Variants in SLC36A1 observed in about 807,000 individuals in gnomAD.
The protein encoded by SLC36A1 is solute carrier family 36 member 1.
A neutral mutation model predicts 47.5 loss-of-function variants in SLC36A1; 30 were observed. The ratio of observed to expected loss-of-function variants is 0.63; its 90% CI spans 0.47 to 0.86. SLC36A1 has a LOEUF of 0.86. SLC36A1 is among the 40% of genes least tolerant of loss of function. SLC36A1 has a pLI of 0.00. For missense variants in SLC36A1, 517 were observed against 606.0 expected (o/e 0.85, Z 1.54); for synonymous variants, 255 against 249.7 (o/e 1.02, Z -0.20).
chr5:151,400,950 A>G, the SLC36A1 span, among the ~76,000 whole-genome samples: 1 of 152,096 alleles, frequency 6.6e-6, no homozygotes, highest in Non-Finnish European at 1.5e-5. Context: ...TCGTTTGTGA[A>G]TATTTTCTCC....
the SLC36A1 span, among the ~76,000 whole-genome samples, chr5:151,358,248 G>A: frequency 6.6e-6 from 1 of 151,728 alleles, no homozygotes. Context: ...CCTCAGGCCA[G>A]ATTTAGTTTA....
Position 151,467,255 on chromosome 5 carries a change from T to G in SLC36A1, c.476T>G (p.Phe159Cys). 6.2e-7 allele frequency: 1 copy of G among 1,612,612 alleles called. No individual in the cohort carries two copies. Among genetic ancestry groups the G allele is most frequent in the Non-Finnish European group, 8.5e-7 (1 of 1,179,524 alleles). Reference sequence around the variant, plus strand: ...CAGCTGGGATTCTGCTGTGTCTATTTTGTGTTTCTGGCTGACAACTTTAAA... The same window carrying G: ...CAGCTGGGATTCTGCTGTGTCTATTGTGTGTTTCTGGCTGACAACTTTAAA... ...VTQLGFCCVY[F>C]VFLADNFKQV... Residue 159 changes from phenylalanine to cysteine, a missense_variant, in exon 6 of 11, where the codon TTT (phenylalanine) becomes TGT (cysteine). Coordinates refer to ENST00000243389, the MANE Select transcript of SLC36A1 (RefSeq NM_078483.4).
the SLC36A1 span, among the ~76,000 whole-genome samples, chr5:151,371,346 A>G: frequency 1.3e-5 from 2 of 152,236 alleles, no homozygotes; most frequent in Non-Finnish European, 2.9e-5. Context: ...ACACAAGCAA[A>G]TGGAAAACAA....
the SLC36A1 span, chr5:151,531,552 G>A: frequency 2.5e-6 from 4 of 1,610,036 alleles, no homozygotes; most frequent in South Asian, 1.1e-5. This position sits in a 1 kb window ranked among gnomAD's most constrained non-coding sequence, Gnocchi z 5.7. Context: ...AACCCTGTAC[G>A]CGATGCTTTG....
At chr5:151,429,413 T>G in the SLC36A1 span, among the ~76,000 whole-genome samples, 1 of 144,746 alleles carries the variant, frequency 6.9e-6, no homozygotes, top group African/African-American at 2.6e-5. Flanking sequence ...GTGTTCTCAT[T>G]GTTCAATTCC....
intron 10 of SLC36A1, among the ~76,000 whole-genome samples, chr5:151,484,364 C>T (rs752747617): frequency 6.6e-6 from 1 of 152,186 alleles, no homozygotes; most frequent in Non-Finnish European, 1.5e-5. Context: ...CTTCCTTTAT[C>T]CATACAAAAC....
intron 1 of SLC36A1, among the ~76,000 whole-genome samples, chr5:151,454,088 T>C (rs946650928): frequency 7.7e-6 from 1 of 129,646 alleles, no homozygotes; most frequent in Non-Finnish European, 1.7e-5. Context: ...CTTAAATTTT[T>C]TTTTTTTTTT....
chr5:151,361,860 GT>G, the SLC36A1 span, among the ~76,000 whole-genome samples: 7 of 151,390 alleles, frequency 4.6e-5, no homozygotes, highest in African/African-American at 9.7e-5. Context: ...TTGGATGACA[GT>G]TTTTTTTTCT....
At chr5:151,466,857 A>T (rs1006927188) in intron 5 of SLC36A1, among the ~76,000 whole-genome samples, 6 of 152,148 alleles carry the variant, frequency 3.9e-5, no homozygotes, top group Admixed American at 3.3e-4. Flanking sequence ...AACCACACAG[A>T]TAGCACCTCC....
chr5:151,468,266 A>AAAAATAT lies in SLC36A1; in HGVS notation c.723+342_723+343insAAATATA, dbSNP rs55642458. Among the ~76,000 whole-genome samples, 143 of 63,802 alleles carry AAAAATAT rather than the reference A, an allele frequency of 2.2e-3. 2 individuals are homozygous for AAAAATAT. Among genetic ancestry groups the AAAAATAT allele is most frequent in the African/African-American group, 0.012 (135 of 11,366 alleles). The allele number at this position is 63,802 out of a possible 152,430, so 41.9% of individuals were successfully genotyped here. ...GACTCTGTCTCAAAAAAAAAAAAAA[A>AAAAATAT]ATATATATATATATATATATATATA... On this transcript the variant is annotated intron_variant, in intron 7 of 10. Transcript: ENST00000243389.
intron 10 of SLC36A1, among the ~76,000 whole-genome samples, chr5:151,483,816 G>T (rs892664840): frequency 6.6e-6 from 1 of 152,100 alleles, no homozygotes; most frequent in Admixed American, 6.5e-5. Context: ...TGGGAGGCTC[G>T]CTCTTCTTGC....
At chr5:151,484,436 T>C (rs1249320130) in intron 10 of SLC36A1, among the ~76,000 whole-genome samples, 1 of 152,212 alleles carries the variant, frequency 6.6e-6, no homozygotes, top group East Asian at 1.9e-4. Context: ...GCCCCATCGC[T>C]TTGCTGTGCC....
rs17717168 is a variant in SLC36A1 at position 151,451,446 on chromosome 5, A to T, written c.-6+3633A>T. On this transcript the variant is annotated intron_variant, in intron 1 of 10. Transcript: ENST00000243389. ...TAGGAAATCTGTCTGTGGGTTACTG[A>T]GATGTTCATGTCACTTAGATCACCA... is the stretch of plus-strand genomic sequence containing the variant. 1.6e-3 allele frequency among the ~76,000 whole-genome samples: 237 copies of T among 152,048 alleles called. 7 individuals carry two copies. The East Asian group carries it at 0.027, about 18-fold the overall frequency.
chr5:151,533,393 AACACACACACAC>A, the SLC36A1 span, among the ~76,000 whole-genome samples: 181 of 132,182 alleles, frequency 1.4e-3, no homozygotes, highest in African/African-American at 4.3e-3. Flanking sequence ...TGTTATCTCC[AACACACACACAC>A]ACACACACAC....
chr5:151,356,339 C>CAAAAAAAAAAAAAAAAAAAAA, the SLC36A1 span, among the ~76,000 whole-genome samples: 290 of 51,232 alleles, frequency 5.7e-3, 16 homozygotes, highest in East Asian at 0.012. Flanking sequence ...CTCTGTCTCA[C>CAAAAAAAAAAAAAAAAAAAAA]AAAAAAAAAA....
upstream of SLC36A1, among the ~76,000 whole-genome samples, chr5:151,447,281 CTTA>C (rs1752983202): frequency 1.3e-5 from 2 of 152,114 alleles, no homozygotes; most frequent in African/African-American, 4.8e-5. Flanking sequence ...ATGCATATTT[CTTA>C]TTATAAAAGC....
the SLC36A1 span, among the ~76,000 whole-genome samples, chr5:151,417,991 T>C: frequency 6.6e-6 from 1 of 152,238 alleles, no homozygotes; most frequent in South Asian, 2.1e-4. Context: ...ACCCCAGCTA[T>C]GGCTAAAAGG....
At chr5:151,551,845 A>C in the SLC36A1 span, among the ~76,000 whole-genome samples, 2 of 152,214 alleles carry the variant, frequency 1.3e-5, no homozygotes, top group African/African-American at 2.4e-5. Context: ...TTAATAAACT[A>C]TAAGAATCCA....
upstream of SLC36A1, among the ~76,000 whole-genome samples, chr5:151,436,751 G>A (rs1165143948): frequency 1.3e-5 from 2 of 151,924 alleles, no homozygotes; most frequent in Admixed American, 6.6e-5. Context: ...ATCCAGTCAC[G>A]TTTGGTAGGA....
Sources: allele counts gnomAD v4.1 joint callset (sites outside exome capture counted in the v4.1 genomes callset), GRCh38; gene constraint gnomAD v4.1.1; non-coding constraint Gnocchi (gnomAD v3.1); transcripts MANE v1.5; gene names NCBI Gene and HGNC (gene_info 2026-07-23, HGNC 2026-07-21).